SEMA5A: variants seen among roughly 807,000 people sequenced by gnomAD.
The protein encoded by SEMA5A is semaphorin-5A.
SEMA5A carries 55 observed loss-of-function variants against 135.5 expected under a neutral mutation model. The ratio of observed to expected loss-of-function variants is 0.41; its 90% CI spans 0.33 to 0.51. The LOEUF (loss-of-function observed/expected upper bound fraction) is 0.51. SEMA5A is among the 20% of genes least tolerant of loss of function. The pLI is 0.37. For synonymous variants in SEMA5A, 580 were observed against 546.5 expected (o/e 1.06, Z -0.85); for missense variants, 1,290 against 1,419.9 (o/e 0.91, Z 1.47).
At chr5:9,048,265 A>T (rs1736380863) in intron 21 of SEMA5A, among the ~76,000 whole-genome samples, 1 of 152,200 alleles carries the variant, frequency 6.6e-6, no homozygotes. Context: ...TTTGGGTTCA[A>T]AACTCACACT....
At chr5:9,464,665 T>A (rs972096318) in intron 1 of SEMA5A, among the ~76,000 whole-genome samples, 1 of 150,828 alleles carries the variant, frequency 6.6e-6, no homozygotes, top group Non-Finnish European at 1.5e-5. Context: ...CAGGCTTGGA[T>A]GCCATCTGCC....
At chr5:9,412,299 G>A (rs16882680) in intron 2 of SEMA5A, among the ~76,000 whole-genome samples, 5,397 of 151,452 alleles carry the variant, frequency 0.036, 264 homozygotes, top group African/African-American at 0.096. Context: ...TTAAGTCCTC[G>A]AAAATTAATT....
chr5:9,406,886 T>C (rs1438499257), intron 2 of SEMA5A, among the ~76,000 whole-genome samples: 2 of 152,226 alleles, frequency 1.3e-5, no homozygotes, highest in Non-Finnish European at 2.9e-5. Flanking sequence ...GTTATTACCA[T>C]GGAATTTGGA....
chr5:9,406,772 G>A (rs879517682), intron 2 of SEMA5A, among the ~76,000 whole-genome samples: 28 of 152,306 alleles, frequency 1.8e-4, no homozygotes, highest in Non-Finnish European at 2.9e-4. Flanking sequence ...AAATGTTTAC[G>A]TGAAGAGAAT....
At chr5:9,484,519 C>T (rs1760002551) in intron 1 of SEMA5A, among the ~76,000 whole-genome samples, 2 of 152,140 alleles carry the variant, frequency 1.3e-5, no homozygotes, top group East Asian at 1.9e-4. Flanking sequence ...TTTAATAATG[C>T]TACTGAAGTC....
chr5:9,131,574 C>T (rs1204162137), intron 13 of SEMA5A, among the ~76,000 whole-genome samples: 2 of 120,372 alleles, frequency 1.7e-5, no homozygotes, highest in African/African-American at 6.4e-5. Context: ...CGCAACTGCA[C>T]TCCAGCCTGG....
intron 5 of SEMA5A, among the ~76,000 whole-genome samples, chr5:9,255,704 C>G (rs894687766): frequency 6.6e-6 from 1 of 151,808 alleles, no homozygotes; most frequent in Non-Finnish European, 1.5e-5. Context: ...TCACTTTCCA[C>G]TCTTCCTTCC....
Position 9,458,749 on chromosome 5 carries a change from T to G in SEMA5A, c.-174-20897A>C, listed in dbSNP as rs559027224. 5.4e-3 allele frequency among the ~76,000 whole-genome samples: 820 copies of G among 152,272 alleles called. 6 individuals carry two copies. Among genetic ancestry groups the G allele is most frequent in the Non-Finnish European group, 7.8e-3 (533 of 68,018 alleles). The stretch of plus-strand genomic sequence containing the variant: ...AACCCTGAATTGCCATGAATAACAG[T>G]GCCAGCTCCTCGGAACACGTATGAG... On this transcript the variant is annotated intron_variant, in intron 1 of 22. Coordinates refer to ENST00000382496, the MANE Select transcript of SEMA5A (RefSeq NM_003966.3).
chr5:9,329,275 A>G (rs1233137575), intron 4 of SEMA5A, among the ~76,000 whole-genome samples: 3 of 152,198 alleles, frequency 2.0e-5, no homozygotes, highest in Non-Finnish European at 4.4e-5. Flanking sequence ...TTTTGGGGCC[A>G]GAGAGCAGAT....
intron 2 of SEMA5A, among the ~76,000 whole-genome samples, chr5:9,405,453 G>A (rs1756839411): frequency 6.6e-6 from 1 of 152,200 alleles, no homozygotes; most frequent in Non-Finnish European, 1.5e-5. Context: ...GCTTCATTCA[G>A]TCTCATTGAA....
chr5:9,394,274 T>G (rs1238732628), intron 2 of SEMA5A, among the ~76,000 whole-genome samples: 1 of 152,106 alleles, frequency 6.6e-6, no homozygotes, highest in East Asian at 1.9e-4. Context: ...TTTAGAACCT[T>G]ATCCATTCTC....
intron 3 of SEMA5A, among the ~76,000 whole-genome samples, chr5:9,371,536 C>T (rs1444233534): frequency 6.6e-6 from 1 of 152,076 alleles, no homozygotes; most frequent in African/African-American, 2.4e-5. Flanking sequence ...TTCATTTCTC[C>T]AGATAGAAAA....
intron 4 of SEMA5A, among the ~76,000 whole-genome samples, chr5:9,332,724 G>A (rs149650293): frequency 1.8e-4 from 27 of 152,388 alleles, no homozygotes; most frequent in African/African-American, 6.5e-4. Context: ...TGGGCCAGGT[G>A]TGCAAGAAGA....
chr5:9,188,919 G>A lies in SEMA5A; in HGVS notation c.1273+1348C>T, dbSNP rs562012017. 4.3e-4 allele frequency among the ~76,000 whole-genome samples: 65 copies of A among 152,212 alleles called. 1 individual carries two copies. The highest frequency in any genetic ancestry group is 3.4e-3 in the Middle Eastern group (1 of 292). On this transcript the variant is annotated intron_variant, in intron 11 of 22. Coordinates refer to ENST00000382496, the MANE Select transcript of SEMA5A (RefSeq NM_003966.3). ...TAAGCAGCTGGTTCCATCTGACTTCGGCCAGTGCTCTTCCTCCTCTCCAGT... is the reference window on the plus strand; with the variant it reads ...TAAGCAGCTGGTTCCATCTGACTTCAGCCAGTGCTCTTCCTCCTCTCCAGT...
At chr5:9,272,096 G>A (rs965220980) in intron 5 of SEMA5A, among the ~76,000 whole-genome samples, 7 of 152,116 alleles carry the variant, frequency 4.6e-5, no homozygotes, top group African/African-American at 1.7e-4. Flanking sequence ...ACAGAGCTCA[G>A]CAACCTAAGA....
chr5:9,178,317 T>C lies in SEMA5A; in HGVS notation c.1273+11950A>G, dbSNP rs553837440. ...AAAAAAATGTATAAGCTCTCTTTCTTTTTTTTTTCTCTCCTTTTTTTTTTT... is the reference window on the plus strand; with the variant it reads ...AAAAAAATGTATAAGCTCTCTTTCTCTTTTTTTTCTCTCCTTTTTTTTTTT... On this transcript the variant is annotated intron_variant, in intron 11 of 22. Transcript: ENST00000382496. Among the ~76,000 whole-genome samples, 6 of 146,954 alleles carry C rather than the reference T, an allele frequency of 4.1e-5. No homozygotes were observed. In the South Asian group the frequency reaches 1.3e-3, roughly 32 times the overall value.
chr5:9,459,787 G>C (rs1423680690), intron 1 of SEMA5A, among the ~76,000 whole-genome samples: 1 of 152,184 alleles, frequency 6.6e-6, no homozygotes, highest in Non-Finnish European at 1.5e-5. Flanking sequence ...TACAGAGAAA[G>C]ATAAATAATT....
chr5:9,145,026 CT>C (rs34003876), intron 12 of SEMA5A, among the ~76,000 whole-genome samples: 53 of 149,174 alleles, frequency 3.6e-4, no homozygotes, highest in South Asian at 1.5e-3. Flanking sequence ...GTCATTTTTA[CT>C]TTTTTTTTTT....
intron 11 of SEMA5A, among the ~76,000 whole-genome samples, chr5:9,165,781 G>C (rs975527042): frequency 3.9e-5 from 6 of 152,174 alleles, no homozygotes; most frequent in African/African-American, 1.4e-4. Flanking sequence ...TCACTGGGCA[G>C]CTCGTCACCA....
Sources: allele counts gnomAD v4.1 joint callset (sites outside exome capture counted in the v4.1 genomes callset), GRCh38; gene constraint gnomAD v4.1.1; transcripts MANE v1.5; gene names NCBI Gene and HGNC (gene_info 2026-07-23, HGNC 2026-07-21).